Variants in CFHR3 observed in about 807,000 individuals in gnomAD.
CFHR3 encodes the protein complement factor H-related protein 3.
In CFHR3, 22 loss-of-function variants were observed where a neutral mutation model predicts 36.0. The observed-to-expected ratio is 0.61, with a 90% CI of 0.44 to 0.87. The LOEUF is 0.87. Ranked by LOEUF, CFHR3 falls within the 40% of genes least tolerant of loss-of-function variation. The probability of loss-of-function intolerance (pLI) is 0.00; values close to 1 mark genes in which losing one functional copy is unlikely to be tolerated. For missense variants in CFHR3, 276 were observed against 401.3 expected, an observed-to-expected ratio of 0.69 and a Z score of 2.67; for synonymous variants, 97 against 137.4, an observed-to-expected ratio of 0.71 and a Z score of 2.06.
rs867706595 is a variant in CFHR3 at position 196,792,680 on chromosome 1, G to T, written c.797-637G>T. Among the ~76,000 whole-genome samples the T allele has an allele frequency of 2.2e-5, 3 of 136,222 alleles. 1 individual carries two copies. The highest frequency in any genetic ancestry group is 4.7e-5 in the Non-Finnish European group (3 of 64,388). The allele number at this position is 136,222 out of a possible 152,430, so 89.4% of individuals were successfully genotyped here. The stretch of plus-strand genomic sequence containing the variant: ...ATGTAGGGATTCATATTAACTCTGT[G>T]TGCTTATCCTTGCCTCTCTTTAAAA... On this transcript the variant is annotated intron_variant, in intron 5 of 5. Transcript: ENST00000367425.
chr1:196,793,218 T>C, intron 5 of CFHR3, 99 bp from the exon 6 acceptor site: 1 of 1,106,776 alleles, frequency 9.0e-7, no homozygotes, highest in Non-Finnish European at 1.2e-6. Flanking sequence ...TTTGGATTAT[T>C]TTATAATTTT....
chr1:196,789,270 A>C, intron 4 of CFHR3: 1 of 791,128 alleles, frequency 1.3e-6, no homozygotes, highest in Non-Finnish European at 1.5e-6. Context: ...ATAATACAAC[A>C]TGGAAGACTC....
rs536991908 is a variant in CFHR3 at position 196,791,469 on chromosome 1, T to G, written c.796+1242T>G. On this transcript the variant is annotated intron_variant, in intron 5 of 5. Coordinates refer to ENST00000367425, the MANE Select transcript of CFHR3 (RefSeq NM_021023.6). ...CTATCACAGCTCTTAAACTGTAAGT[T>G]CATGAGTTTTTCAAGTGCTCAAGTT... Among the ~76,000 whole-genome samples, 31 of 122,222 alleles carry G rather than the reference T, an allele frequency of 2.5e-4. 6 individuals are homozygous for G. Among genetic ancestry groups the G allele is most frequent in the Admixed American group, 2.0e-3 (25 of 12,718 alleles). The allele number at this position is 122,222 out of a possible 152,430, so 80.2% of individuals were successfully genotyped here.
Position 196,788,386 on chromosome 1 carries a change from C to T in CFHR3, c.601C>T (p.Pro201Ser). 1.3e-6 allele frequency: 2 copies of T among 1,529,384 alleles called. No individual in the cohort carries two copies. The highest frequency in any genetic ancestry group is 2.2e-5 in the East Asian group (1 of 44,558). The allele number at this position is 1,529,384 out of a possible 1,614,324, so 94.7% of individuals were successfully genotyped here. A position where few individuals can be genotyped will look rare whatever the true frequency, so the allele number is the denominator to read the frequency against. ...TCLQNGWSAQPICINSSEKCG... is the reference protein window; with the variant it reads ...TCLQNGWSAQSICINSSEKCG... ...TTTGCAAAATGGATGGTCAGCACAACCAATTTGCATTAGTAAGTGATTTAC... is the reference window on the plus strand; with the variant it reads ...TTTGCAAAATGGATGGTCAGCACAATCAATTTGCATTAGTAAGTGATTTAC... Residue 201 changes from proline (P) to serine (S), a missense_variant, in exon 4 of 6, where the codon CCA becomes TCA. Coordinates refer to ENST00000367425, the MANE Select transcript of CFHR3 (RefSeq NM_021023.6).
chr1:196,777,761 C>G (rs940958903), intron 1 of CFHR3, among the ~76,000 whole-genome samples: 2 of 134,720 alleles, frequency 1.5e-5, no homozygotes, highest in Admixed American at 1.4e-4. Flanking sequence ...CCAAGGCGCG[C>G]GGATCACTTG....
In CFHR3 at chr1:196,784,211, CTTTACT is replaced by C. The variant is rs1456165358; in HGVS notation, c.431-4003_431-3998del. Reference sequence around the variant, plus strand: ...GTTCTTTTACATTTGCTGAGGAGAGCTTTACTTCCAACTATGTGGTCAATTTTGGAA... The same window carrying C: ...GTTCTTTTACATTTGCTGAGGAGAGCTCCAACTATGTGGTCAATTTTGGAA... On this transcript the variant is annotated intron_variant, in intron 3 of 5. Transcript: ENST00000367425. Among the ~76,000 whole-genome samples, 4 of 135,842 alleles carry C rather than the reference CTTTACT, an allele frequency of 2.9e-5. 2 individuals are homozygous for C. The highest frequency in any genetic ancestry group is 1.2e-4 in the African/African-American group (4 of 32,222). 89.1% of individuals were successfully genotyped at this position (135,842 alleles called of 152,430 possible).
Position 196,783,189 on chromosome 1 carries a change from G to C in CFHR3, c.430+3216G>C, listed in dbSNP as rs937344865. On this transcript the variant is annotated intron_variant, in intron 3 of 5. Coordinates refer to ENST00000367425, the MANE Select transcript of CFHR3 (RefSeq NM_021023.6). ...TGGTGGATAAGCTTTTTGATGTGCT[G>C]TTGGATTCGGTTTGCCAGTATTTTA... Among the ~76,000 whole-genome samples the C allele has an allele frequency of 1.2e-4, 16 of 136,250 alleles. 4 individuals carry two copies. The highest frequency in any genetic ancestry group is 1.9e-4 in the Non-Finnish European group (12 of 64,504). The allele number at this position is 136,250 out of a possible 152,430, so 89.4% of individuals were successfully genotyped here.
chr1:196,775,369 A>C (rs1238919423), intron 1 of CFHR3, among the ~76,000 whole-genome samples: 1 of 137,134 alleles, frequency 7.3e-6, no homozygotes, highest in Non-Finnish European at 1.6e-5. Context: ...TTTATATATC[A>C]AAAAATCAAA....
At chr1:196,788,483 A>C in intron 4 of CFHR3, 85 bp downstream of exon 4, 1 of 1,487,862 alleles carries the variant, frequency 6.7e-7, no homozygotes, top group East Asian at 2.3e-5. Context: ...AAAATATAGA[A>C]AACAATTTTA....
rs574702433 is a variant in CFHR3 at position 196,777,559 on chromosome 1, C to G, written c.59-1603C>G. On this transcript the variant is annotated intron_variant, in intron 1 of 5. Transcript: ENST00000367425. ...ACAAAAGGTCCCAGGATTTCCTTGA[C>G]TTTTCCTACTACAGACCAAGTTCCA... 1.2e-4 allele frequency among the ~76,000 whole-genome samples: 17 copies of G among 137,186 alleles called. 2 individuals carry two copies. Among genetic ancestry groups the G allele is most frequent in the Admixed American group, 9.2e-4 (13 of 14,188 alleles). The allele number at this position is 137,186 out of a possible 152,430, so 90.0% of individuals were successfully genotyped here. A position where few individuals can be genotyped will look rare whatever the true frequency, so the allele number is the denominator to read the frequency against.
intron 5 of CFHR3, 90 bp from the exon 6 acceptor site, chr1:196,793,227 T>A: frequency 2.6e-6 from 3 of 1,154,942 alleles, no homozygotes; most frequent in Non-Finnish European, 3.5e-6. Context: ...TTTTATAATT[T>A]TATTTTATCC....
Position 196,782,669 on chromosome 1 carries a change from G to C in CFHR3, c.430+2696G>C, listed in dbSNP as rs992498233. On this transcript the variant is annotated intron_variant, in intron 3 of 5. Coordinates refer to ENST00000367425, the MANE Select transcript of CFHR3 (RefSeq NM_021023.6). ...CATTGATTTTGTATCCTGAGACTTT[G>C]CTGAAGTTGCTAATCAGCTTTAGGA... Among the ~76,000 whole-genome samples the C allele has an allele frequency of 5.8e-5, 8 of 137,114 alleles. 1 individual carries two copies. Among genetic ancestry groups the C allele is most frequent in the Non-Finnish European group, 1.1e-4 (7 of 64,668 alleles). 90.0% of individuals were successfully genotyped at this position (137,114 alleles called of 152,430 possible). A position where few individuals can be genotyped will look rare whatever the true frequency, so the allele number is the denominator to read the frequency against.
At position 196,795,032 on chromosome 1, in the gene CFHR3, T is replaced by C; in HGVS notation, c.*1519T>C. 1 of 136,828 alleles carries C rather than the reference T, an allele frequency of 7.3e-6. No individual in the cohort carries two copies. Among genetic ancestry groups the C allele is most frequent in the Non-Finnish European group, 1.5e-5 (1 of 64,638 alleles). The allele number at this position is 136,828 out of a possible 1,614,324, so 8.5% of individuals were successfully genotyped here. On this transcript the variant is annotated 3_prime_UTR_variant, in exon 6 of 6. Transcript: ENST00000367425. ...GACTGGAGAATAAAAAGTAAAAAAT[T>C]GTTTTATTAATTCCAGTGACTAATT...
At chr1:196,789,087 GT>G in intron 4 of CFHR3, 4 of 1,096,222 alleles carry the variant, frequency 3.6e-6, no homozygotes, top group Non-Finnish European at 1.1e-6. Context: ...AGTGGCAAAA[GT>G]TGATTTTTTT....
chr1:196,781,631 C>T (rs1445967456), intron 3 of CFHR3, among the ~76,000 whole-genome samples: 2 of 135,952 alleles, frequency 1.5e-5, no homozygotes, highest in Non-Finnish European at 3.1e-5. Context: ...TGTCCTTTGC[C>T]CACTTTTTGA....
Position 196,774,953 on chromosome 1 carries a change from A to T in CFHR3, c.58+9A>T. 1 of 1,517,852 alleles carries T rather than the reference A, an allele frequency of 6.6e-7. No individual in the cohort carries two copies. The highest frequency in any genetic ancestry group is 8.9e-7 in the Non-Finnish European group (1 of 1,119,988). The allele number at this position is 1,517,852 out of a possible 1,614,324, so 94.0% of individuals were successfully genotyped here. A position where few individuals can be genotyped will look rare whatever the true frequency, so the allele number is the denominator to read the frequency against. Reference sequence around the variant, plus strand: ...CTGTGCTAATGGACAAGGTAAGTTAAAAGAGATCTAAACACTCAGCTTCCC... The same window carrying T: ...CTGTGCTAATGGACAAGGTAAGTTATAAGAGATCTAAACACTCAGCTTCCC... On this transcript the variant is annotated intron_variant, in intron 1 of 5. Transcript: ENST00000367425.
chr1:196,779,114 A>C lies in CFHR3; in HGVS notation c.59-48A>C, dbSNP rs1307851868. ...TCAAAATTTATCTCTAATATGATTT[A>C]TTACAGTAAAAATTATTTATACTTT... On this transcript the variant is annotated intron_variant, in intron 1 of 5. Transcript: ENST00000367425. 32 of 1,321,036 alleles carry C rather than the reference A, an allele frequency of 2.4e-5. 4 individuals are homozygous for C. Among genetic ancestry groups the C allele is most frequent in the Non-Finnish European group, 3.3e-5 (32 of 958,702 alleles). 81.8% of individuals were successfully genotyped at this position (1,321,036 alleles called of 1,614,324 possible).
Position 196,777,456 on chromosome 1 carries a change from C to A in CFHR3, c.59-1706C>A, listed in dbSNP as rs1449619132. On this transcript the variant is annotated intron_variant, in intron 1 of 5. Coordinates refer to ENST00000367425, the MANE Select transcript of CFHR3 (RefSeq NM_021023.6). ...TAATTGCCATTGTACTTCTTTGGGACGCTCAAATTTATTTCAAGTTTAACT... is the reference window on the plus strand; with the variant it reads ...TAATTGCCATTGTACTTCTTTGGGAAGCTCAAATTTATTTCAAGTTTAACT... 2.7e-4 allele frequency among the ~76,000 whole-genome samples: 36 copies of A among 135,734 alleles called. 8 individuals are homozygous for A. The highest frequency in any genetic ancestry group is 1.1e-3 in the African/African-American group (36 of 32,196). The allele number at this position is 135,734 out of a possible 152,430, so 89.0% of individuals were successfully genotyped here.
chr1:196,788,714 C>G, intron 4 of CFHR3: 1 of 1,454,442 alleles, frequency 6.9e-7, no homozygotes, highest in Admixed American at 2.0e-5. Context: ...ACTTTGTTGT[C>G]TTCCCTTTCT....
Sources: gnomAD v4.1 joint callset for allele counts (sites outside exome capture counted in the v4.1 genomes callset) on GRCh38, gnomAD v4.1.1 for gene constraint, MANE v1.5 for transcripts, NCBI Gene and HGNC (gene_info 2026-07-23, HGNC 2026-07-21) for gene names.